Variants in ZNF41 observed in about 807,000 individuals in gnomAD.
ZNF41 encodes the protein zinc finger protein 41.
In ZNF41, 6 loss-of-function variants were observed where a neutral mutation model predicts 9.3. The observed-to-expected ratio is 0.65, with a 90% CI of 0.35 to 1.28. The LOEUF is 1.28. ZNF41 is among the 50% of genes most tolerant of loss of function. The pLI, the probability that ZNF41 is intolerant of heterozygous loss-of-function variation, is 0.03. For synonymous variants in ZNF41, 192 were observed against 207.1 expected, an observed-to-expected ratio of 0.93 and a Z score of 0.63; for missense variants, 523 against 585.8, an observed-to-expected ratio of 0.89 and a Z score of 1.11.
intron 2 of ZNF41, among the ~76,000 whole-genome samples, chrX:47,465,640 G>A: frequency 9.1e-6 from 1 of 110,036 alleles, no homozygotes; most frequent in Non-Finnish European, 1.9e-5. Flanking sequence ...AAGATCACTT[G>A]ACCCCAGGAG....
chrX:47,460,204 G>T (rs2056735993), intron 2 of ZNF41, among the ~76,000 whole-genome samples: 1 of 112,253 alleles, frequency 8.9e-6, no homozygotes, highest in South Asian at 3.6e-4. Context: ...GGTGGAGGCT[G>T]CAGTGAACCA....
Position 47,447,663 on chromosome X carries a change from T to G in ZNF41, c.2107A>C (p.Lys703Gln). Residue 703 changes from lysine (K) to glutamine (Q), a missense_variant, in exon 5 of 5, where the codon AAG becomes CAG. Transcript: ENST00000684689. ...TTCTGATGTATATTGAGGCGTGACT[T>G]CCAGGTGAAGGTTTTCCCGCAGTCA... ...CGDCGKTFTW[K>Q]SRLNIHQKSH... 1 of 1,211,996 alleles carries G rather than the reference T, an allele frequency of 8.3e-7. No homozygotes were observed.
chrX:47,450,034 C>A (rs1407831945), intron 4 of ZNF41, among the ~76,000 whole-genome samples: 1 of 111,520 alleles, frequency 9.0e-6, no homozygotes, highest in African/African-American at 3.3e-5. Context: ...CCCTCTATAC[C>A]ATTATGAGTG....
intron 1 of ZNF41, among the ~76,000 whole-genome samples, chrX:47,473,932 A>G (rs1374471745): frequency 8.9e-6 from 1 of 111,935 alleles, no homozygotes; most frequent in Non-Finnish European, 1.9e-5. Context: ...CATACCAGAG[A>G]AAGGAAATCT....
At chrX:47,466,213 A>G (rs866316425) in intron 2 of ZNF41, among the ~76,000 whole-genome samples, 3 of 111,059 alleles carry the variant, frequency 2.7e-5, no homozygotes, top group Admixed American at 1.9e-4. Context: ...AAAAAAATTT[A>G]AAAGTTTAAT....
chrX:47,449,110 A>C lies in ZNF41; in HGVS notation c.660T>G (p.Asn220Lys), dbSNP rs34301930. ...AAGGGCTATGGGGGAAATTGTTACC[A>C]TTTCCAAAAATCTTGCCAAGGTTCT... ...ATKNLGKIFG[N>K]GNNFPHSPSS... Residue 220 changes from asparagine to lysine, a missense_variant, in exon 5 of 5, where the codon AAT (asparagine) becomes AAG (lysine). Coordinates refer to ENST00000684689, the MANE Select transcript of ZNF41 (RefSeq NM_001324144.2). 5.5e-3 allele frequency: 6,678 copies of C among 1,209,595 alleles called. 208 individuals carry two copies. In the African/African-American group the frequency reaches 0.1, roughly 18 times the overall value.
chrX:47,451,786 G>A (rs891098698), intron 4 of ZNF41, among the ~76,000 whole-genome samples: 1 of 112,179 alleles, frequency 8.9e-6, no homozygotes, highest in Non-Finnish European at 1.9e-5. Context: ...TGAGGCAGGA[G>A]AATTGCTTGA....
intron 4 of ZNF41, 118 bp from the exon 5 acceptor site, chrX:47,449,592 AG>A: frequency 1.3e-6 from 1 of 799,774 alleles, no homozygotes; most frequent in Non-Finnish European, 1.8e-6. Flanking sequence ...AGGACAATAT[AG>A]TAGTAATAAT....
intron 4 of ZNF41, among the ~76,000 whole-genome samples, chrX:47,455,498 T>A (rs755803470): frequency 9.1e-6 from 1 of 109,905 alleles, no homozygotes; most frequent in African/African-American, 3.3e-5. Context: ...GGTGGGAGGA[T>A]CGCTTGAACC....
chrX:47,452,201 G>T (rs947952404), intron 4 of ZNF41, among the ~76,000 whole-genome samples: 3 of 110,640 alleles, frequency 2.7e-5, no homozygotes, highest in Non-Finnish European at 5.7e-5. Flanking sequence ...CCAGTACCCA[G>T]GTCTCGCGGT....
intron 2 of ZNF41, among the ~76,000 whole-genome samples, chrX:47,457,074 A>G (rs1160640654): frequency 3.6e-5 from 4 of 111,969 alleles, no homozygotes; most frequent in Admixed American, 9.5e-5. Flanking sequence ...ATTTATATGC[A>G]GGAAAAGACA....
chrX:47,482,486 C>A (rs2071779), intron 1 of ZNF41: 3 of 111,786 alleles, frequency 2.7e-5, no homozygotes, highest in African/African-American at 6.5e-5. Flanking sequence ...CTGAAAACTG[C>A]TTCGAGGAAC....
At chrX:47,452,071 TC>T (rs1358186934) in intron 4 of ZNF41, among the ~76,000 whole-genome samples, 2 of 111,654 alleles carry the variant, frequency 1.8e-5, no homozygotes, top group Non-Finnish European at 3.8e-5. Flanking sequence ...AGGGTTTGCT[TC>T]CTGGTTCTAG....
chrX:47,479,612 T>C (rs1468310287), intron 1 of ZNF41, among the ~76,000 whole-genome samples: 1 of 108,004 alleles, frequency 9.3e-6, no homozygotes, highest in Non-Finnish European at 1.9e-5. Context: ...TGAAATAAAA[T>C]TATAAAAATA....
intron 1 of ZNF41, among the ~76,000 whole-genome samples, chrX:47,472,409 T>G (rs2147795673): frequency 9.2e-6 from 1 of 108,494 alleles, no homozygotes; most frequent in East Asian, 2.9e-4. Context: ...CAATGCCATA[T>G]GATTATGTTT....
chrX:47,455,798 G>A (rs1269596316), intron 4 of ZNF41, 123 bp downstream of exon 4: 1 of 634,841 alleles, frequency 1.6e-6, no homozygotes, highest in African/African-American at 2.2e-5. Flanking sequence ...ATCTCCAATT[G>A]ACTCCAAAAG....
chrX:47,468,662 C>T (rs1314995014), intron 1 of ZNF41, among the ~76,000 whole-genome samples: 3 of 111,347 alleles, frequency 2.7e-5, no homozygotes, highest in Non-Finnish European at 5.6e-5. Context: ...AAGCAACTCA[C>T]ACAGTACTAT....
chrX:47,472,937 G>C (rs1373734785), intron 1 of ZNF41, among the ~76,000 whole-genome samples: 1 of 110,004 alleles, frequency 9.1e-6, no homozygotes, highest in Non-Finnish European at 1.9e-5. Flanking sequence ...TGGTCAGGCT[G>C]GTCTCGAACT....
Position 47,467,562 on chromosome X carries a change from T to C in ZNF41, c.-81A>G. ...AAGCTGGAAGCTGAGCTGGCATCTGTGGACTCAACCGGAGCTGCTGGGGCG... is the reference window on the plus strand; with the variant it reads ...AAGCTGGAAGCTGAGCTGGCATCTGCGGACTCAACCGGAGCTGCTGGGGCG... On this transcript the variant is annotated 5_prime_UTR_variant, in exon 2 of 5. Transcript: ENST00000684689. The C allele has an allele frequency of 1.8e-6, 2 of 1,115,413 alleles. No individual in the cohort carries two copies. The highest frequency in any genetic ancestry group is 2.4e-6 in the Non-Finnish European group (2 of 828,817). The allele number at this position is 1,115,413 out of a possible 1,213,427, so 91.9% of individuals were successfully genotyped here. A position where few individuals can be genotyped will look rare whatever the true frequency, so the allele number is the denominator to read the frequency against.
Sources: allele counts gnomAD v4.1 joint callset (sites outside exome capture counted in the v4.1 genomes callset), GRCh38; gene constraint gnomAD v4.1.1; transcripts MANE v1.5; gene names NCBI Gene and HGNC (gene_info 2026-07-23, HGNC 2026-07-21).